CAMTA2: variants seen among roughly 807,000 people sequenced by gnomAD.
The protein encoded by CAMTA2 is calmodulin-binding transcription activator 2.
CAMTA2 carries 56 observed loss-of-function variants against 135.7 expected under a neutral mutation model. The ratio of observed to expected loss-of-function variants is 0.41; its 90% CI spans 0.33 to 0.52. CAMTA2 has a LOEUF of 0.52. Among genes scored for constraint, CAMTA2 ranks in the 20% least tolerant of loss-of-function variants. The pLI is 0.16. For synonymous variants in CAMTA2, 591 were observed against 604.6 expected (o/e 0.98, Z 0.33); for missense variants, 1,358 against 1,553.4 (o/e 0.87, Z 2.11).
rs1325373833 is a variant in CAMTA2 at position 4,980,143 on chromosome 17, C to T, written c.1179G>A (p.Gly393=). The T allele has an allele frequency of 6.3e-7, 1 of 1,593,414 alleles. No individual in the cohort carries two copies. ...CGGGGAAGTCTGGGCTTACTCCCTGCCCCCCTCCATATGTCTGGCCCCTCT... is the reference window on the plus strand; with the variant it reads ...CGGGGAAGTCTGGGCTTACTCCCTGTCCCCCTCCATATGTCTGGCCCCTCT... ...SPQRGQTYGG[G]QGVSPDFPEA... is the part of the protein sequence containing the mutation. The change falls in exon 9 of 23, where the codon GGG becomes GGA. Residue 393 remains glycine (G), a synonymous_variant. Transcript: ENST00000348066. This position sits in a 1 kb window ranked among gnomAD's most constrained non-coding sequence, Gnocchi z 5.3.
intron 11 of CAMTA2, among the ~76,000 whole-genome samples, chr17:4,975,796 G>T (rs1265829798): frequency 6.6e-6 from 1 of 152,168 alleles, no homozygotes; most frequent in Non-Finnish European, 1.5e-5. Flanking sequence ...ATAGAGAAAA[G>T]CTAACCTTGA....
intron 12 of CAMTA2, chr17:4,974,063 G>A (rs16942618): frequency 0.084 from 44,761 of 533,004 alleles, 2,148 homozygotes; most frequent in Middle Eastern, 0.15. Context: ...CCTTCTCTGA[G>A]CCTTAGCCCT....
rs1318999871 is a variant in CAMTA2 at position 4,981,846 on chromosome 17, G to T, written c.412-15C>A. The T allele has an allele frequency of 6.3e-7, 1 of 1,583,960 alleles. No homozygotes were observed. Among genetic ancestry groups the T allele is most frequent in the South Asian group, 1.1e-5 (1 of 88,852 alleles). On this transcript the variant is annotated splice_polypyrimidine_tract_variant and intron_variant, in intron 6 of 22. Coordinates refer to ENST00000348066, the MANE Select transcript of CAMTA2 (RefSeq NM_015099.4). ...ATGTCAGGGTTCTGAGAGTATAAGGGGACACACAGAGCCATGGGGTCCTGA... is the reference window on the plus strand; with the variant it reads ...ATGTCAGGGTTCTGAGAGTATAAGGTGACACACAGAGCCATGGGGTCCTGA...
intron 17 of CAMTA2, 43 bp downstream of exon 17, chr17:4,970,297 T>C (rs1972199323): frequency 2.5e-6 from 4 of 1,599,752 alleles, no homozygotes; most frequent in Admixed American, 1.7e-5. Flanking sequence ...CTTCCTCCCA[T>C]CTTCCTTTGA....
intron 11 of CAMTA2, 58 bp downstream of exon 11, chr17:4,977,000 C>T: frequency 6.3e-7 from 1 of 1,588,514 alleles, no homozygotes; most frequent in Non-Finnish European, 8.6e-7. Context: ...GGTCTAGGAG[C>T]ATGTCATGCT....
chr17:4,978,449 C>T, intron 10 of CAMTA2, 55 bp downstream of exon 10: 2 of 1,571,088 alleles, frequency 1.3e-6, no homozygotes, highest in East Asian at 2.3e-5. Context: ...AGGTCCTGAT[C>T]TGTCCTAACT....
At chr17:4,987,037 C>A in intron 1 of CAMTA2, 1 of 1,418,224 alleles carries the variant, frequency 7.1e-7, no homozygotes, top group Non-Finnish European at 9.1e-7. Context: ...TCAGCACGGG[C>A]TCCGCCAGGT....
intron 3 of CAMTA2, among the ~76,000 whole-genome samples, chr17:4,985,115 G>C (rs1035332273): frequency 6.6e-6 from 1 of 152,130 alleles, no homozygotes; most frequent in African/African-American, 2.4e-5. Context: ...GAATCCAGGA[G>C]GCGGGGGTTG....
Position 4,973,160 on chromosome 17 carries a change from ATCCG to A in CAMTA2, c.2280+11_2280+14del, listed in dbSNP as rs1470868319. 3.7e-6 allele frequency: 6 copies of A among 1,610,762 alleles called. No homozygotes were observed. The highest frequency in any genetic ancestry group is 5.1e-6 in the Non-Finnish European group (6 of 1,177,302). ...CTCCCTGCCCCATATGCGCTCAGGA[ATCCG>A]TCATCCTCACCAGAGGGGTGCAAGA... On this transcript the variant is annotated intron_variant, in intron 14 of 22. Transcript: ENST00000348066.
Position 4,968,130 on chromosome 17 carries a change from C to T in CAMTA2, c.*626G>A, listed in dbSNP as rs939502618. On this transcript the variant is annotated 3_prime_UTR_variant, in exon 23 of 23. Transcript: ENST00000348066. ...CGGCCGTGCAGCCCTCCCCGCGGCG[C>T]CTTAAATAGATTCTTCACTATACTC... The T allele has an allele frequency of 9.3e-6, 4 of 431,978 alleles. No homozygotes were observed. The highest frequency in any genetic ancestry group is 1.7e-5 in the Non-Finnish European group (4 of 236,364). The allele number at this position is 431,978 out of a possible 1,614,324, so 26.8% of individuals were successfully genotyped here. A position where few individuals can be genotyped will look rare whatever the true frequency, so the allele number is the denominator to read the frequency against.
rs758872145 is a variant in CAMTA2 at position 4,986,300 on chromosome 17, G to A, written c.-64-14C>T. 188 of 1,127,682 alleles carry A rather than the reference G, an allele frequency of 1.7e-4. 1 individual carries two copies. The highest frequency in any genetic ancestry group is 3.1e-5 in the Non-Finnish European group (24 of 761,964). 69.9% of individuals were successfully genotyped at this position (1,127,682 alleles called of 1,614,324 possible). A position where few individuals can be genotyped will look rare whatever the true frequency, so the allele number is the denominator to read the frequency against. ...GGGGAGTCTGTGCTGGGAAGGGAGA[G>A]AACAAGGTCATGGCAGAAGCCCCCA... On this transcript the variant is annotated splice_polypyrimidine_tract_variant and intron_variant, in intron 1 of 22. Transcript: ENST00000348066.
chr17:4,975,552 GAC>G (rs992571318), intron 11 of CAMTA2, among the ~76,000 whole-genome samples: 3 of 152,308 alleles, frequency 2.0e-5, no homozygotes, highest in African/African-American at 7.2e-5. Flanking sequence ...GCAGGACAGA[GAC>G]AGAACAGGAC....
intron 12 of CAMTA2, chr17:4,974,073 T>G: frequency 1.9e-6 from 1 of 525,388 alleles, no homozygotes; most frequent in South Asian, 2.3e-5. Flanking sequence ...GCCTTAGCCC[T>G]CTTCTTTCAG....
rs1972142825 is a variant in CAMTA2 at position 4,969,719 on chromosome 17, T to C, written c.3190-18A>G. The C allele has an allele frequency of 6.2e-7, 1 of 1,613,610 alleles. No individual in the cohort carries two copies. Among genetic ancestry groups the C allele is most frequent in the African/African-American group, 1.3e-5 (1 of 74,994 alleles). On this transcript the variant is annotated intron_variant, in intron 18 of 22. Transcript: ENST00000348066. This position sits in a 1 kb window ranked among gnomAD's most constrained non-coding sequence, Gnocchi z 5.6. ...CGCCGGCCCTGAAGGGAGAGAAGTC[T>C]CACCACCTCATGACCCACATAATGG...
Position 4,969,411 on chromosome 17 carries a change from T to C in CAMTA2, c.3283-74A>G. ...CCCAAAGCCCTGAGGCTCACCCAAG[T>C]TAGGCTGATGCAAGACTCTCTGTAA... is the stretch of plus-strand genomic sequence containing the variant. On this transcript the variant is annotated intron_variant, in intron 20 of 22. Transcript: ENST00000348066. The surrounding 1 kb of genome is among the most constrained non-coding windows in gnomAD (Gnocchi z 5.6). 1 of 1,606,724 alleles carries C rather than the reference T, an allele frequency of 6.2e-7. No individual in the cohort carries two copies. Among genetic ancestry groups the C allele is most frequent in the Non-Finnish European group, 8.5e-7 (1 of 1,173,292 alleles).
chr17:4,973,322 A>G, intron 13 of CAMTA2, 69 bp from the exon 14 acceptor site: 2 of 1,312,984 alleles, frequency 1.5e-6, no homozygotes, highest in Non-Finnish European at 2.2e-6. Context: ...GAACATCAGA[A>G]GTAAAGGCAC....
In CAMTA2 at chr17:4,969,595, TTGC is replaced by T. The variant is rs762313950; in HGVS notation, c.3261+32_3261+34del. ...TTAGGCGTGGGTGTGGGTTGGTGGG[TTGC>T]TGGTTACACTTTTGAGGGAGAAGGG... On this transcript the variant is annotated intron_variant, in intron 19 of 22. Transcript: ENST00000348066. This position sits in a 1 kb window ranked among gnomAD's most constrained non-coding sequence, Gnocchi z 5.6. 3 of 1,613,672 alleles carry T rather than the reference TTGC, an allele frequency of 1.9e-6. No individual in the cohort carries two copies. In the African/African-American group the frequency reaches 4.0e-5, roughly 22 times the overall value.
intron 11 of CAMTA2, among the ~76,000 whole-genome samples, chr17:4,975,622 A>G (rs1972566391): frequency 6.6e-6 from 1 of 152,120 alleles, no homozygotes; most frequent in Non-Finnish European, 1.5e-5. Flanking sequence ...AAGCAACCCA[A>G]CACACTCGGG....
At position 4,970,461 on chromosome 17, in the gene CAMTA2, G is replaced by A. The variant is rs756514468; in HGVS notation, c.2884C>T (p.Leu962=). The A allele has an allele frequency of 1.9e-6, 3 of 1,614,072 alleles. No individual in the cohort carries two copies. Among genetic ancestry groups the A allele is most frequent in the Non-Finnish European group, 2.5e-6 (3 of 1,180,042 alleles). ...CGCATTGAGGCTCCAGCCTCGGGCA[G>A]CCCCACGAAGTCCTCTCGTTTAATC... ...ERIKREDFVG[L]PEAGASMRER... is the part of the protein sequence containing the mutation. Residue 962 remains leucine, a synonymous_variant, in exon 17 of 23, where the codon CTG becomes TTG. Coordinates refer to ENST00000348066, the MANE Select transcript of CAMTA2 (RefSeq NM_015099.4).
Sources: allele counts gnomAD v4.1 joint callset (sites outside exome capture counted in the v4.1 genomes callset), GRCh38; gene constraint gnomAD v4.1.1; non-coding constraint Gnocchi (gnomAD v3.1); transcripts MANE v1.5; gene names NCBI Gene and HGNC (gene_info 2026-07-23, HGNC 2026-07-21).